TICAM2: variants seen among roughly 807,000 people sequenced by gnomAD.
TICAM2 encodes TIR domain containing adaptor molecule 2, also known as TIR domain-containing adapter molecule 2.
In TICAM2, 8 loss-of-function variants were observed where a neutral mutation model predicts 7.3. That is an observed-to-expected ratio of 1.10 (90% CI 0.65 to 1.99). The LOEUF is 1.99. Among genes scored for constraint, TICAM2 ranks in the 30% most tolerant of loss-of-function variants. The pLI is 0.00. For synonymous variants in TICAM2, 113 were observed against 99.6 expected (o/e 1.13, Z -0.80); for missense variants, 304 against 278.8 (o/e 1.09, Z -0.65).
Position 115,583,146 on chromosome 5 carries a change from G to A in TICAM2, c.-59-1831C>T, listed in dbSNP as rs180833842. ...CACTGCTGACTTTTGTTACTGCATC[G>A]TAAAAAAAAAGGGTTTTGCTATGCA... is the stretch of plus-strand genomic sequence containing the variant. On this transcript the variant is annotated intron_variant, in intron 1 of 1. Coordinates refer to ENST00000427199, the MANE Select transcript of TICAM2 (RefSeq NM_021649.7). 9.1e-4 allele frequency among the ~76,000 whole-genome samples: 139 copies of A among 151,950 alleles called. 1 individual carries two copies. The highest frequency in any genetic ancestry group is 2.5e-3 in the African/African-American group (104 of 41,444).
Position 115,595,311 on chromosome 5 carries a change from T to C in TICAM2, c.-60+6786A>G, listed in dbSNP as rs116242895. ...CCGATTACGACGGAAACCTACAAAT[T>C]ATTCTCATATTCTTTCACCCATTCA... is the stretch of plus-strand genomic sequence containing the variant. On this transcript the variant is annotated intron_variant, in intron 1 of 1. Transcript: ENST00000427199. Among the ~76,000 whole-genome samples, 699 of 152,156 alleles carry C rather than the reference T, an allele frequency of 4.6e-3. 4 individuals are homozygous for C. The highest frequency in any genetic ancestry group is 0.016 in the African/African-American group (666 of 41,502).
intron 1 of TICAM2, among the ~76,000 whole-genome samples, chr5:115,586,176 A>C (rs1178055194): frequency 2.0e-5 from 3 of 152,224 alleles, no homozygotes; most frequent in Non-Finnish European, 4.4e-5. Flanking sequence ...AGAAAAAGAA[A>C]GGCTGAGCCC....
intron 1 of TICAM2, among the ~76,000 whole-genome samples, chr5:115,586,112 G>C (rs1353397244): frequency 6.6e-6 from 1 of 152,146 alleles, no homozygotes; most frequent in African/African-American, 2.4e-5. Context: ...ATTTGAGAAA[G>C]ACAATATGAG....
chr5:115,592,313 A>G (rs1245320744), intron 1 of TICAM2, among the ~76,000 whole-genome samples: 2 of 152,244 alleles, frequency 1.3e-5, no homozygotes, highest in African/African-American at 4.8e-5. Flanking sequence ...CAATTTCTCA[A>G]AACAGACACA....
chr5:115,582,292 G>A (rs926937917), intron 1 of TICAM2, among the ~76,000 whole-genome samples: 1 of 150,904 alleles, frequency 6.6e-6, no homozygotes, highest in Non-Finnish European at 1.5e-5. Flanking sequence ...GAGTAGCTGG[G>A]ACTACAGGTA....
chr5:115,579,573 G>T lies in TICAM2; in HGVS notation c.*976C>A, dbSNP rs567152147. 2.6e-5 allele frequency: 4 copies of T among 152,304 alleles called. No individual in the cohort carries two copies. The highest frequency in any genetic ancestry group is 9.6e-5 in the African/African-American group (4 of 41,568). 9.4% of individuals were successfully genotyped at this position (152,304 alleles called of 1,614,324 possible). On this transcript the variant is annotated 3_prime_UTR_variant, in exon 2 of 2. Transcript: ENST00000427199. ...TGTTTGGGGCCTCTCTGGCTTGTTAGGAGCATGGGGCTCTAGAATAGGAGG... is the reference window on the plus strand; with the variant it reads ...TGTTTGGGGCCTCTCTGGCTTGTTATGAGCATGGGGCTCTAGAATAGGAGG...
At chr5:115,586,764 TTTG>T (rs1755121233) in intron 1 of TICAM2, among the ~76,000 whole-genome samples, 1 of 152,180 alleles carries the variant, frequency 6.6e-6, no homozygotes. Context: ...TTCAATAAGT[TTTG>T]TTGTTAATAA....
At chr5:115,594,789 T>G (rs898830371) in intron 1 of TICAM2, among the ~76,000 whole-genome samples, 3 of 152,330 alleles carry the variant, frequency 2.0e-5, no homozygotes, top group Middle Eastern at 3.4e-3. Flanking sequence ...CCTTTGGCAT[T>G]AAGAAGGCAC....
At chr5:115,586,274 G>C (rs941547013) in intron 1 of TICAM2, among the ~76,000 whole-genome samples, 1 of 152,130 alleles carries the variant, frequency 6.6e-6, no homozygotes, top group Non-Finnish European at 1.5e-5. Context: ...TATTTGTGTT[G>C]TGTTACAAAT....
intron 1 of TICAM2, among the ~76,000 whole-genome samples, chr5:115,601,574 TAATA>T (rs1480554661): frequency 6.6e-6 from 1 of 152,176 alleles, no homozygotes; most frequent in Admixed American, 6.5e-5. Context: ...TAAAAAATAA[TAATA>T]AATATGAGAA....
Position 115,581,164 on chromosome 5 carries a change from C to G in TICAM2, c.93G>C (p.Glu31Asp), listed in dbSNP as rs1306157583. Residue 31 changes from glutamate to aspartate, a missense_variant, in exon 2 of 2, where the codon GAG (glutamate) becomes GAC (aspartate). Transcript: ENST00000427199. ...HSVDTSPGYH[E>D]SDSKKSEDLS... ...GATCTTCAGACTTCTTGGAATCTGA[C>G]TCATGATATCCTGGACTTGTATCCA... The G allele has an allele frequency of 2.5e-6, 4 of 1,613,840 alleles. No homozygotes were observed. The highest frequency in any genetic ancestry group is 3.4e-6 in the Non-Finnish European group (4 of 1,179,992).
chr5:115,580,635 T>C lies in TICAM2; in HGVS notation c.622A>G (p.Arg208Gly), dbSNP rs1192789892. The C allele has an allele frequency of 6.3e-7, 1 of 1,586,362 alleles. No homozygotes were observed. Among genetic ancestry groups the C allele is most frequent in the Non-Finnish European group, 8.5e-7 (1 of 1,170,874 alleles). ...ESRGFPTQVE[R>G]IFQESVYKTQ... ...TTATACACAGACTCCTGAAAAATTCTTTCTACTTGTGTAGGAAATCCACGA... is the reference window on the plus strand; with the variant it reads ...TTATACACAGACTCCTGAAAAATTCCTTCTACTTGTGTAGGAAATCCACGA... The change falls in exon 2 of 2, where the codon AGA (arginine) becomes GGA (glycine). Residue 208 changes from arginine (R) to glycine (G), a missense_variant. Transcript: ENST00000427199.
chr5:115,600,878 G>T (rs1000373144), intron 1 of TICAM2, among the ~76,000 whole-genome samples: 2 of 152,174 alleles, frequency 1.3e-5, no homozygotes. Flanking sequence ...TGGTCTAGGG[G>T]GGATTAAAGA....
At chr5:115,599,460 T>G (rs1412841017) in intron 1 of TICAM2, among the ~76,000 whole-genome samples, 1 of 152,208 alleles carries the variant, frequency 6.6e-6, no homozygotes, top group Non-Finnish European at 1.5e-5. Flanking sequence ...ACTGTCCATC[T>G]TATCAAAATT....
intron 1 of TICAM2, among the ~76,000 whole-genome samples, chr5:115,585,450 T>TC (rs1372733260): frequency 1.3e-5 from 2 of 152,208 alleles, no homozygotes; most frequent in Non-Finnish European, 2.9e-5. Flanking sequence ...GACATTTTTT[T>TC]CCTAGCAAGA....
In TICAM2 at chr5:115,580,545, C is replaced by T; in HGVS notation, c.*4G>A. Reference sequence around the variant, plus strand: ...AGAGCCAGCCACATGTTATATGTTTCATCTCAGGCAATAAATTGTCTTTGT... The same window carrying T: ...AGAGCCAGCCACATGTTATATGTTTTATCTCAGGCAATAAATTGTCTTTGT... On this transcript the variant is annotated 3_prime_UTR_variant, in exon 2 of 2. Coordinates refer to ENST00000427199, the MANE Select transcript of TICAM2 (RefSeq NM_021649.7). 1 of 1,582,170 alleles carries T rather than the reference C, an allele frequency of 6.3e-7. No homozygotes were observed. Among genetic ancestry groups the T allele is most frequent in the Non-Finnish European group, 8.6e-7 (1 of 1,168,600 alleles).
At chr5:115,582,374 T>C (rs1754960713) in intron 1 of TICAM2, among the ~76,000 whole-genome samples, 2 of 149,266 alleles carry the variant, frequency 1.3e-5, no homozygotes, top group Non-Finnish European at 1.5e-5. Flanking sequence ...GGGTTTCATA[T>C]GTTGCCCAGG....
intron 1 of TICAM2, among the ~76,000 whole-genome samples, chr5:115,595,811 T>G (rs1224511749): frequency 6.6e-6 from 1 of 152,210 alleles, no homozygotes; most frequent in African/African-American, 2.4e-5. Context: ...AATGTACCCT[T>G]GCCCAACCAT....
At chr5:115,588,684 C>T (rs756632063) in intron 1 of TICAM2, among the ~76,000 whole-genome samples, 1 of 152,212 alleles carries the variant, frequency 6.6e-6, no homozygotes, top group African/African-American at 2.4e-5. Flanking sequence ...CTCCCAGACT[C>T]CCTCAATGCT....
Sources: allele counts gnomAD v4.1 joint callset (sites outside exome capture counted in the v4.1 genomes callset), GRCh38; gene constraint gnomAD v4.1.1; transcripts MANE v1.5; gene names NCBI Gene and HGNC (gene_info 2026-07-23, HGNC 2026-07-21).